The following PLEKHH2 variants were observed in gnomAD, a reference collection of about 807,000 sequenced individuals.
PLEKHH2 encodes pleckstrin homology, MyTH4 and FERM domain containing H2.
A neutral mutation model predicts 187.9 loss-of-function variants in PLEKHH2; 129 were observed. The observed-to-expected ratio is 0.69, with a 90% CI of 0.59 to 0.79. The LOEUF (loss-of-function observed/expected upper bound fraction) is 0.79, where lower values mean the gene tolerates loss of function less well. Ranked by LOEUF, PLEKHH2 falls within the 30% of genes least tolerant of loss-of-function variation. The pLI is 0.00. For synonymous variants in PLEKHH2, 686 were observed against 605.6 expected, an observed-to-expected ratio of 1.13 and a Z score of -1.95; for missense variants, 2,076 against 1,751.2, an observed-to-expected ratio of 1.19 and a Z score of -3.31.
At chr2:43,729,999 C>G (rs181776496) in intron 18 of PLEKHH2, among the ~76,000 whole-genome samples, 3 of 152,196 alleles carry the variant, frequency 2.0e-5, no homozygotes, top group Admixed American at 2.0e-4. Context: ...TGGAATGCCC[C>G]CTTCGTTGGC....
chr2:43,711,048 C>T, intron 14 of PLEKHH2: 1 of 988,614 alleles, frequency 1.0e-6, no homozygotes. Flanking sequence ...AGTGTGCTGC[C>T]AAGCAAGTCA....
intron 2 of PLEKHH2, among the ~76,000 whole-genome samples, chr2:43,667,603 G>A (rs540309166): frequency 1.3e-5 from 2 of 152,284 alleles, no homozygotes; most frequent in Admixed American, 6.5e-5. Context: ...TATCATTCAG[G>A]CATAAAAAGA....
intron 27 of PLEKHH2, among the ~76,000 whole-genome samples, chr2:43,760,611 C>T (rs1478336330): frequency 6.6e-6 from 1 of 152,170 alleles, no homozygotes; most frequent in Non-Finnish European, 1.5e-5. Context: ...GATCCACCCG[C>T]CTCGGCCTCC....
At chr2:43,762,810 A>G (rs1044592641) in intron 28 of PLEKHH2, among the ~76,000 whole-genome samples, 4 of 152,236 alleles carry the variant, frequency 2.6e-5, no homozygotes, top group African/African-American at 4.8e-5. Flanking sequence ...TGTCATTTAT[A>G]TAGCATCTTA....
At chr2:43,650,028 C>A (rs116726517) in intron 2 of PLEKHH2, among the ~76,000 whole-genome samples, 1 of 152,004 alleles carries the variant, frequency 6.6e-6, no homozygotes, top group Admixed American at 6.6e-5. Context: ...GTAAATTAAG[C>A]ACTTAGAATT....
Position 43,679,921 on chromosome 2 carries a change from T to C in PLEKHH2, c.186+996T>C, listed in dbSNP as rs1414054107. On this transcript the variant is annotated intron_variant, in intron 3 of 29. Transcript: ENST00000282406. Reference sequence around the variant, plus strand: ...TACTGGCTTCAAGTGATGCTCAGTGTCCCAAAGTGTTGGGATTACAGGTGT... The same window carrying C: ...TACTGGCTTCAAGTGATGCTCAGTGCCCCAAAGTGTTGGGATTACAGGTGT... 2.0e-5 allele frequency among the ~76,000 whole-genome samples: 3 copies of C among 152,208 alleles called. No homozygotes were observed. In the East Asian group the frequency reaches 5.8e-4, roughly 29 times the overall value.
At chr2:43,641,173 T>C (rs1249656458) in intron 1 of PLEKHH2, among the ~76,000 whole-genome samples, 1 of 152,134 alleles carries the variant, frequency 6.6e-6, no homozygotes, top group Non-Finnish European at 1.5e-5. Context: ...CACAAATCCC[T>C]GAGATACATG....
chr2:43,684,870 G>T lies in PLEKHH2; in HGVS notation c.186+5945G>T, dbSNP rs114381477. ...ATTACAAATCTCTCAGAGTTTCCAT[G>T]TGTTAGCAAAACCTGTAGGCATTTC... On this transcript the variant is annotated intron_variant, in intron 3 of 29. Transcript: ENST00000282406. Among the ~76,000 whole-genome samples the T allele has an allele frequency of 8.4e-3, 1,243 of 148,442 alleles. 19 individuals carry two copies. Among genetic ancestry groups the T allele is most frequent in the African/African-American group, 0.03 (1,197 of 40,560 alleles).
chr2:43,696,409 GC>G (rs1238113114), intron 6 of PLEKHH2, among the ~76,000 whole-genome samples: 1 of 150,654 alleles, frequency 6.6e-6, no homozygotes, highest in Non-Finnish European at 1.5e-5. Flanking sequence ...GATCACTTGA[GC>G]CCGGGAGTTT....
Position 43,757,213 on chromosome 2 carries a change from AG to A in PLEKHH2, c.3891del (p.Lys1298AsnfsTer16). The A allele has an allele frequency of 6.2e-7, 1 of 1,603,366 alleles. No individual in the cohort carries two copies. The highest frequency in any genetic ancestry group is 8.5e-7 in the Non-Finnish European group (1 of 1,175,792). On this transcript the variant is annotated frameshift_variant, in exon 26 of 30. Transcript: ENST00000282406. LOFTEE classifies it high-confidence loss of function. ...AATCAAACTCTAAAGCAAGTCATAG[AG>A]AAATTTTATCCTAAAAGGTATAGAG... ...KVNQTLKQVI[E>X]KFYPKRYRDG...
intron 1 of PLEKHH2, among the ~76,000 whole-genome samples, chr2:43,642,132 G>A (rs1277056864): frequency 6.6e-6 from 1 of 152,022 alleles, no homozygotes; most frequent in East Asian, 1.9e-4. Context: ...ATTTATTTAG[G>A]TATTTTTAAA....
At chr2:43,744,173 A>G in intron 23 of PLEKHH2, 184 bp downstream of exon 23, 3 of 1,282,900 alleles carry the variant, frequency 2.3e-6, no homozygotes, top group Non-Finnish European at 3.1e-6. Flanking sequence ...CTTAATACAC[A>G]ATCTCTACAT....
intron 15 of PLEKHH2, among the ~76,000 whole-genome samples, chr2:43,712,594 T>C (rs1283980263): frequency 6.6e-6 from 1 of 152,216 alleles, no homozygotes; most frequent in Non-Finnish European, 1.5e-5. Flanking sequence ...ATGTAAAGGC[T>C]CTATTAAAAA....
intron 2 of PLEKHH2, among the ~76,000 whole-genome samples, chr2:43,655,564 A>C (rs540943905): frequency 6.6e-6 from 1 of 152,318 alleles, no homozygotes; most frequent in African/African-American, 2.4e-5. Context: ...ATGTTGTGTA[A>C]ATCCATTAGA....
chr2:43,728,492 AAAAG>A (rs1468108800), intron 17 of PLEKHH2, among the ~76,000 whole-genome samples: 1 of 150,948 alleles, frequency 6.6e-6, no homozygotes, highest in Non-Finnish European at 1.5e-5. Context: ...AAAAAAAAAA[AAAAG>A]AAAGAAAAAG....
intron 24 of PLEKHH2, among the ~76,000 whole-genome samples, chr2:43,751,732 T>C (rs1672017650): frequency 6.6e-6 from 1 of 152,230 alleles, no homozygotes; most frequent in African/African-American, 2.4e-5. Context: ...CTGGCCATAT[T>C]GTGAGAGGCT....
rs199930828 is a variant in PLEKHH2, at chr2:43,699,767, C to A, written c.809C>A (p.Ala270Asp). The A allele has an allele frequency of 6.2e-7, 1 of 1,614,176 alleles. No individual in the cohort carries two copies. The highest frequency in any genetic ancestry group is 1.3e-5 in the African/African-American group (1 of 75,036). Residue 270 changes from alanine (A) to aspartate (D), a missense_variant, in exon 8 of 30, where the codon GCC (alanine) becomes GAC (aspartate). By Grantham distance (126) the Ala-to-Asp change is moderately radical. Coordinates refer to ENST00000282406, the MANE Select transcript of PLEKHH2 (RefSeq NM_172069.4). ...AATCGGAAAACAAGAACAAGCTTTGCCACAGATGGTGGCATCTCCCAGAAT... is the reference window on the plus strand; with the variant it reads ...AATCGGAAAACAAGAACAAGCTTTGACACAGATGGTGGCATCTCCCAGAAT... ...EQNRKTRTSF[A>D]TDGGISQNSG... is the part of the protein sequence containing the mutation.
chr2:43,731,990 A>C (rs1671062345), intron 19 of PLEKHH2, among the ~76,000 whole-genome samples: 1 of 152,114 alleles, frequency 6.6e-6, no homozygotes, highest in South Asian at 2.1e-4. Context: ...AGAAATCCCT[A>C]ATCACTCAAA....
chr2:43,724,315 G>C (rs1162985197), intron 16 of PLEKHH2, among the ~76,000 whole-genome samples: 1 of 152,188 alleles, frequency 6.6e-6, no homozygotes, highest in African/African-American at 2.4e-5. Flanking sequence ...ACTGAGCCCT[G>C]AAACTTAGCA....
Sources: allele counts gnomAD v4.1 joint callset (sites outside exome capture counted in the v4.1 genomes callset), GRCh38; gene constraint gnomAD v4.1.1; transcripts MANE v1.5; gene names NCBI Gene and HGNC (gene_info 2026-07-23, HGNC 2026-07-21).